DMXL2: variants seen among roughly 807,000 people sequenced by gnomAD.
DMXL2 encodes Dmx like 2, also known as dmX-like protein 2.
A neutral mutation model predicts 331.1 loss-of-function variants in DMXL2; 103 were observed. The ratio of observed to expected loss-of-function variants is 0.31; its 90% confidence interval spans 0.27 to 0.37. The LOEUF is 0.37. DMXL2 is among the 10% of genes least tolerant of loss of function. The probability of loss-of-function intolerance (pLI) is 1.00; values close to 1 mark genes in which losing one functional copy is unlikely to be tolerated. For missense variants in DMXL2, 3,171 were observed against 3,642.9 expected (o/e 0.87, Z 3.33); for synonymous variants, 1,281 against 1,252.1 (o/e 1.02, Z -0.49).
intron 1 of DMXL2, among the ~76,000 whole-genome samples, chr15:51,579,264 C>T (rs11634999): frequency 0.48 from 72,545 of 151,936 alleles, 17,691 homozygotes; most frequent in Non-Finnish European, 0.52. Context: ...TATATAATAA[C>T]CATGATTACT....
intron 16 of DMXL2, 119 bp downstream of exon 16, chr15:51,507,015 T>C (rs946168206): frequency 4.2e-5 from 32 of 769,108 alleles, no homozygotes; most frequent in Non-Finnish European, 5.7e-5. Flanking sequence ...AGAGACATAA[T>C]TCAGCAACTC....
At chr15:51,522,251 GC>G (rs1213411003) in intron 13 of DMXL2, among the ~76,000 whole-genome samples, 1 of 152,174 alleles carries the variant, frequency 6.6e-6, no homozygotes, top group African/African-American at 2.4e-5. Context: ...TATTACTAAT[GC>G]CTTTAGAGAT....
intron 43 of DMXL2, among the ~76,000 whole-genome samples, chr15:51,449,617 T>C (rs1019088528): frequency 2.6e-5 from 4 of 152,342 alleles, no homozygotes; most frequent in Non-Finnish European, 5.9e-5. Flanking sequence ...CCTTGGCTTA[T>C]CCTGAGGTTA....
intron 43 of DMXL2, 84 bp from the exon 44 acceptor site, chr15:51,449,277 T>G: frequency 7.2e-7 from 1 of 1,397,190 alleles, no homozygotes; most frequent in Admixed American, 1.8e-5. Flanking sequence ...TTGGCCCAAG[T>G]GATCTCACTA....
At chr15:51,469,425 A>C (rs2040891335) in intron 29 of DMXL2, among the ~76,000 whole-genome samples, 1 of 152,174 alleles carries the variant, frequency 6.6e-6, no homozygotes, top group Non-Finnish European at 1.5e-5. Context: ...CAGCTATATA[A>C]GTTTTTAATG....
chr15:51,546,145 A>C (rs1449213227), intron 7 of DMXL2, among the ~76,000 whole-genome samples: 3 of 152,184 alleles, frequency 2.0e-5, no homozygotes, highest in Non-Finnish European at 4.4e-5. Flanking sequence ...ATCACTTTAC[A>C]TCCTCCTTCC....
At chr15:51,488,469 A>G (rs2042559587) in intron 21 of DMXL2, 79 bp downstream of exon 21, 1 of 1,267,684 alleles carries the variant, frequency 7.9e-7, no homozygotes, top group African/African-American at 1.5e-5. Flanking sequence ...ATACCTAATT[A>G]TTTTCAAAAG....
At chr15:51,538,950 CTGT>C (rs1555431329) in intron 9 of DMXL2, among the ~76,000 whole-genome samples, 1 of 152,076 alleles carries the variant, frequency 6.6e-6, no homozygotes, top group Non-Finnish European at 1.5e-5. Context: ...TGACTCATGC[CTGT>C]AATCCTAGCA....
chr15:51,448,847 T>C lies in DMXL2; in HGVS notation c.*137A>G. 1.2e-6 allele frequency: 1 copy of C among 842,976 alleles called. No individual in the cohort carries two copies. Among genetic ancestry groups the C allele is most frequent in the Non-Finnish European group, 1.8e-6 (1 of 543,128 alleles). 52.2% of individuals were successfully genotyped at this position (842,976 alleles called of 1,614,324 possible). ...TCATTCCACCAACCTGTTTAGATAATACTCAGCTTGGGTCATATTCAAATT... is the reference window on the plus strand; with the variant it reads ...TCATTCCACCAACCTGTTTAGATAACACTCAGCTTGGGTCATATTCAAATT... On this transcript the variant is annotated 3_prime_UTR_variant, in exon 44 of 44. Coordinates refer to ENST00000560891, the MANE Select transcript of DMXL2 (RefSeq NM_001378457.1).
chr15:51,482,300 A>T (rs2042071227), intron 23 of DMXL2, among the ~76,000 whole-genome samples: 3 of 152,290 alleles, frequency 2.0e-5, no homozygotes, highest in Middle Eastern at 3.4e-3. Context: ...TATGTTCAGA[A>T]TCATGTTATT....
chr15:51,451,594 G>T, intron 42 of DMXL2, 51 bp downstream of exon 42: 1 of 1,371,668 alleles, frequency 7.3e-7, no homozygotes, highest in Non-Finnish European at 1.0e-6. Context: ...TTCCTTCATG[G>T]TGTATTATTC....
At chr15:51,455,255 A>T (rs1225438530) in intron 39 of DMXL2, 27 bp from the exon 40 acceptor site, 1 of 1,577,024 alleles carries the variant, frequency 6.3e-7, no homozygotes. Context: ...ACTACTAAAC[A>T]CATGTTCTTA....
chr15:51,518,125 A>G (rs1413346906), intron 13 of DMXL2, among the ~76,000 whole-genome samples: 2 of 152,110 alleles, frequency 1.3e-5, no homozygotes, highest in South Asian at 2.1e-4. Flanking sequence ...TGAGGTTAGG[A>G]GTTAAGAGAC....
chr15:51,519,491 T>C (rs2047220197), intron 13 of DMXL2, among the ~76,000 whole-genome samples: 1 of 152,092 alleles, frequency 6.6e-6, no homozygotes, highest in Non-Finnish European at 1.5e-5. Context: ...GCATTAAAAC[T>C]CACATATTAC....
Position 51,502,797 on chromosome 15 carries a change from T to A in DMXL2, c.2992+9A>T. The stretch of plus-strand genomic sequence containing the variant: ...GAGCTACCACTGCCCAGTCTTAAAG[T>A]GACCTTACCTGCTGAAGGCGTTGCT... On this transcript the variant is annotated intron_variant, in intron 17 of 43. Coordinates refer to ENST00000560891, the MANE Select transcript of DMXL2 (RefSeq NM_001378457.1). 6.2e-7 allele frequency: 1 copy of A among 1,606,618 alleles called. No homozygotes were observed. Among genetic ancestry groups the A allele is most frequent in the East Asian group, 2.2e-5 (1 of 44,816 alleles).
intron 37 of DMXL2, among the ~76,000 whole-genome samples, chr15:51,457,121 G>A (rs1322824113): frequency 1.3e-5 from 2 of 152,184 alleles, no homozygotes; most frequent in African/African-American, 4.8e-5. Flanking sequence ...GCAGTGAGCC[G>A]AAATTGCACC....
chr15:51,468,438 A>G (rs1356736688), intron 29 of DMXL2, among the ~76,000 whole-genome samples: 1 of 152,232 alleles, frequency 6.6e-6, no homozygotes, highest in Non-Finnish European at 1.5e-5. Context: ...TAACTGCAAT[A>G]GATTAAAACA....
chr15:51,576,974 C>T (rs1299270853), intron 1 of DMXL2, among the ~76,000 whole-genome samples: 1 of 152,194 alleles, frequency 6.6e-6, no homozygotes, highest in African/African-American at 2.4e-5. Context: ...TAAAACCACA[C>T]ATTTCTTCCT....
intron 23 of DMXL2, among the ~76,000 whole-genome samples, chr15:51,483,274 A>C (rs1032016617): frequency 2.0e-5 from 3 of 152,158 alleles, no homozygotes; most frequent in African/African-American, 4.8e-5. Flanking sequence ...CACTATCTTG[A>C]GACCAGTCAC....
Sources: gnomAD v4.1 joint callset for allele counts (sites outside exome capture counted in the v4.1 genomes callset) on GRCh38, gnomAD v4.1.1 for gene constraint, MANE v1.5 for transcripts, NCBI Gene and HGNC (gene_info 2026-07-23, HGNC 2026-07-21) for gene names.